Variants in DOCK9 observed in about 807,000 individuals in gnomAD.
DOCK9 encodes dedicator of cytokinesis 9.
In DOCK9, 89 loss-of-function variants were observed where a neutral mutation model predicts 263.3. That is an observed-to-expected ratio of 0.34 (90% CI 0.28 to 0.40). The LOEUF (loss-of-function observed/expected upper bound fraction) is 0.40. Ranked by LOEUF, DOCK9 falls within the 10% of genes least tolerant of loss-of-function variation. DOCK9 has a pLI of 1.00. For missense variants in DOCK9, 2,140 were observed against 2,603.4 expected, an observed-to-expected ratio of 0.82 and a Z score of 3.87; for synonymous variants, 976 against 973.1, an observed-to-expected ratio of 1.00 and a Z score of -0.06.
At chr13:98,866,314 G>A (rs914094262) in intron 30 of DOCK9, among the ~76,000 whole-genome samples, 2 of 152,164 alleles carry the variant, frequency 1.3e-5, no homozygotes, top group Non-Finnish European at 2.9e-5. Flanking sequence ...CACAGTTGGT[G>A]CGGGGTAAAT....
intron 43 of DOCK9, among the ~76,000 whole-genome samples, chr13:98,827,333 ATTTT>A (rs1247487149): frequency 6.6e-6 from 1 of 152,246 alleles, no homozygotes. Flanking sequence ...GCAAGTTATA[ATTTT>A]TTCCAAATAT....
chr13:98,933,891 G>A (rs1211143140), intron 2 of DOCK9, among the ~76,000 whole-genome samples: 3 of 143,578 alleles, frequency 2.1e-5, no homozygotes, highest in Non-Finnish European at 3.2e-5. Flanking sequence ...TGTTGTTGTT[G>A]TTGTTGTTGT....
intron 7 of DOCK9, among the ~76,000 whole-genome samples, chr13:98,919,511 C>T (rs1031939802): frequency 6.6e-6 from 1 of 152,218 alleles, no homozygotes; most frequent in Non-Finnish European, 1.5e-5. Flanking sequence ...CTGTGTCACA[C>T]TGGCCCCACC....
chr13:99,074,326 G>A (rs1018862568), intron 1 of DOCK9, among the ~76,000 whole-genome samples: 3 of 152,228 alleles, frequency 2.0e-5, no homozygotes, highest in African/African-American at 7.2e-5. Flanking sequence ...CAGGATCTTT[G>A]TAAGGGCTGA....
At chr13:99,020,344 A>T (rs1298652145) in intron 1 of DOCK9, among the ~76,000 whole-genome samples, 1 of 152,230 alleles carries the variant, frequency 6.6e-6, no homozygotes, top group East Asian at 1.9e-4. Context: ...GCAATATACT[A>T]AACCACATTA....
intron 1 of DOCK9, among the ~76,000 whole-genome samples, chr13:99,068,796 A>C (rs2142352980): frequency 6.6e-6 from 1 of 152,320 alleles, no homozygotes; most frequent in African/African-American, 2.4e-5. Flanking sequence ...AAAGCCTGGG[A>C]AGGAAAAAGT....
In DOCK9 at chr13:99,009,965, G is replaced by A. The variant is rs541736929; in HGVS notation, c.130-54414C>T. Among the ~76,000 whole-genome samples the A allele has an allele frequency of 1.5e-3, 228 of 149,478 alleles. 8 individuals are homozygous for A. In the South Asian group the frequency reaches 0.047, roughly 31 times the overall value. On this transcript the variant is annotated intron_variant, in intron 1 of 32. Coordinates refer to the DOCK9 transcript ENST00000427887. Reference sequence around the variant, plus strand: ...AGTTAGGAAATCTTGTAATGACAGAGACATGAAAAACTTTAAGGTTTTAAG... The same window carrying A: ...AGTTAGGAAATCTTGTAATGACAGAAACATGAAAAACTTTAAGGTTTTAAG...
chr13:99,037,218 T>C (rs1475073837), intron 1 of DOCK9, among the ~76,000 whole-genome samples: 1 of 152,048 alleles, frequency 6.6e-6, no homozygotes, highest in Non-Finnish European at 1.5e-5. Flanking sequence ...TGATTTAAGG[T>C]TTTCAAATCA....
At position 98,794,655 on chromosome 13, in the gene DOCK9, CG is replaced by C. The variant is rs1566485784; in HGVS notation, c.6249del (p.His2083GlnfsTer3). 1 of 1,612,066 alleles carries C rather than the reference CG, an allele frequency of 6.2e-7. No individual in the cohort carries two copies. Among genetic ancestry groups the C allele is most frequent in the Admixed American group, 1.7e-5 (1 of 59,748 alleles). On this transcript the variant is annotated frameshift_variant, in exon 53 of 53. Transcript: ENST00000682017. LOFTEE classifies it high-confidence loss of function. ...ISGTPTSTMV[H>X]GMTSSSSVV ...ACGACCGAAGACGAGCTGGTCATCCCGTGAACCATTGTGCTTGTTGGAGTCC... is the reference window on the plus strand; with the variant it reads ...ACGACCGAAGACGAGCTGGTCATCCCTGAACCATTGTGCTTGTTGGAGTCC...
rs73568471 is a variant in DOCK9, at chr13:98,977,924, G to A, written c.-15C>T. ...TCAGCCTGCATTCTCGGCTGAAAAC[G>A]CAAGTCAGAAAGTCTGCAACTGGAA... On this transcript the variant is annotated 5_prime_UTR_variant, in exon 1 of 53. Transcript: ENST00000682017. 8.2e-4 allele frequency: 1,287 copies of A among 1,568,966 alleles called. 3 individuals are homozygous for A. In the African/African-American group the frequency reaches 0.014, roughly 17 times the overall value.
intron 2 of DOCK9, among the ~76,000 whole-genome samples, chr13:98,934,957 T>C (rs2054577261): frequency 6.6e-6 from 1 of 152,222 alleles, no homozygotes; most frequent in Non-Finnish European, 1.5e-5. Context: ...GCTATTCTTT[T>C]AAAGCTTACA....
At chr13:98,935,102 A>C (rs1458815910) in intron 2 of DOCK9, among the ~76,000 whole-genome samples, 1 of 152,194 alleles carries the variant, frequency 6.6e-6, no homozygotes, top group Non-Finnish European at 1.5e-5. Context: ...TAAGGTAGAG[A>C]AGAGGACATC....
At chr13:98,867,654 C>G (rs894892605) in intron 29 of DOCK9, 118 bp from the exon 30 acceptor site, 2 of 725,940 alleles carry the variant, frequency 2.8e-6, no homozygotes, top group African/African-American at 3.5e-5. Context: ...CTTCTTAGAA[C>G]TGCACACTCT....
At chr13:98,932,365 A>G (rs535580586) in intron 2 of DOCK9, among the ~76,000 whole-genome samples, 9 of 152,176 alleles carry the variant, frequency 5.9e-5, no homozygotes, top group Non-Finnish European at 1.3e-4. Flanking sequence ...ACTGCATTCC[A>G]GCCTGGGCAA....
At chr13:98,962,227 T>C (rs1255666148) in intron 1 of DOCK9, among the ~76,000 whole-genome samples, 1 of 152,236 alleles carries the variant, frequency 6.6e-6, no homozygotes, top group African/African-American at 2.4e-5. Context: ...TATGGAGGTG[T>C]ATCTAGAGGT....
intron 30 of DOCK9, among the ~76,000 whole-genome samples, chr13:98,864,550 G>C (rs1283634091): frequency 6.6e-6 from 1 of 152,134 alleles, no homozygotes; most frequent in African/African-American, 2.4e-5. Context: ...TCATTTTCTA[G>C]ATTATGTTCA....
rs368825128 is a variant in DOCK9 at position 98,952,447 on chromosome 13, G to A, written c.243+2988C>T. Among the ~76,000 whole-genome samples, 3 of 152,026 alleles carry A rather than the reference G, an allele frequency of 2.0e-5. No homozygotes were observed. In the South Asian group the frequency reaches 6.2e-4, roughly 32 times the overall value. ...AGATGGGGTTTCACCATATTGGCCA[G>A]GCTGGTCTCAAACTCCTGACCTTGT... On this transcript the variant is annotated intron_variant, in intron 2 of 52. Coordinates refer to ENST00000682017, the MANE Select transcript of DOCK9 (RefSeq NM_001366683.2).
At chr13:98,828,240 T>C (rs1318861729) in intron 43 of DOCK9, among the ~76,000 whole-genome samples, 1 of 152,254 alleles carries the variant, frequency 6.6e-6, no homozygotes, top group Non-Finnish European at 1.5e-5. Flanking sequence ...AGAGGATACA[T>C]TTCTGTGTGA....
intron 1 of DOCK9, among the ~76,000 whole-genome samples, chr13:99,085,139 G>A (rs972679999): frequency 2.6e-5 from 4 of 152,346 alleles, no homozygotes; most frequent in African/African-American, 9.6e-5. Context: ...TGTCTGCCCA[G>A]GAAGGGCATC....
Sources: allele counts gnomAD v4.1 joint callset (sites outside exome capture counted in the v4.1 genomes callset), GRCh38; gene constraint gnomAD v4.1.1; transcripts MANE v1.5; gene names NCBI Gene and HGNC (gene_info 2026-07-23, HGNC 2026-07-21).